Variants in ZNF800 observed in about 807,000 individuals in gnomAD.
The protein encoded by ZNF800 is zinc finger protein 800.
In ZNF800, 13 loss-of-function variants were observed where a neutral mutation model predicts 59.5. The ratio of observed to expected loss-of-function variants is 0.22; its 90% CI spans 0.14 to 0.35. The LOEUF (loss-of-function observed/expected upper bound fraction) is 0.35. ZNF800 is among the 10% of genes least tolerant of loss of function. The pLI, the probability that ZNF800 is intolerant of heterozygous loss-of-function variation, is 1.00. For synonymous variants in ZNF800, 266 were observed against 265.7 expected, an observed-to-expected ratio of 1.00 and a Z score of -0.01; for missense variants, 621 against 783.7, an observed-to-expected ratio of 0.79 and a Z score of 2.48.
At chr7:127,366,598 C>T (rs1389903171), downstream of ZNF800, among the ~76,000 whole-genome samples, 1 of 152,118 alleles carries the variant, frequency 6.6e-6, no homozygotes, top group Non-Finnish European at 1.5e-5. Context: ...GCTGCATTGA[C>T]CTAACAGTCA....
chr7:127,380,182 C>A (rs1326115200), intron 3 of ZNF800, among the ~76,000 whole-genome samples: 1 of 152,046 alleles, frequency 6.6e-6, no homozygotes, highest in African/African-American at 2.4e-5. Context: ...CCCTAGATAT[C>A]TATACTAGCT....
At chr7:127,349,573 T>TC (rs1800133853) in intron 1 of ZNF800, among the ~76,000 whole-genome samples, 1 of 152,174 alleles carries the variant, frequency 6.6e-6, no homozygotes, top group Admixed American at 6.5e-5. Flanking sequence ...ACAGATGACA[T>TC]AAGTAATCAC....
intron 1 of ZNF800, among the ~76,000 whole-genome samples, chr7:127,355,969 T>C (rs1180262475): frequency 2.6e-5 from 4 of 152,026 alleles, no homozygotes; most frequent in Non-Finnish European, 5.9e-5. Context: ...ACAATTTTCA[T>C]ACTCAGGAAT....
At chr7:127,360,524 A>T (rs1800373446) in intron 1 of ZNF800, 1 of 152,114 alleles carries the variant, frequency 6.6e-6, no homozygotes, top group African/African-American at 2.4e-5. Flanking sequence ...GTTGAGGTCA[A>T]CTCAGATGTA....
At chr7:127,353,237 G>A (rs1209416129) in intron 1 of ZNF800, among the ~76,000 whole-genome samples, 1 of 152,026 alleles carries the variant, frequency 6.6e-6, no homozygotes, top group African/African-American at 2.4e-5. Context: ...ATGTTTTGTT[G>A]GCCAGTTTTT....
intron 4 of ZNF800, among the ~76,000 whole-genome samples, chr7:127,376,888 T>A (rs948775575): frequency 6.6e-6 from 1 of 151,916 alleles, no homozygotes; most frequent in Non-Finnish European, 1.5e-5. Context: ...CATATAAACA[T>A]TCTAAAACAA....
rs747662289 is a variant in ZNF800, at chr7:127,374,436, C to T, written c.900G>A (p.Ala300=). The change falls in exon 5 of 6, where the codon GCG becomes GCA. Residue 300 remains alanine (A), a synonymous_variant. Transcript: ENST00000265827. ...CTTCATCAAAATGCCTCCTTACATT[C>T]GCTTTTGTAGCAAATGATTTACAAC... ...PVCCKSFATK[A]NVRRHFDEVH... 59 of 1,613,878 alleles carry T rather than the reference C, an allele frequency of 3.7e-5. No homozygotes were observed. The highest frequency in any genetic ancestry group is 1.6e-4 in the East Asian group (7 of 44,876).
chr7:127,392,626 T>C lies in ZNF800; in HGVS notation c.-625A>G, dbSNP rs970618216. The C allele has an allele frequency of 4.9e-5, 8 of 161,766 alleles. No individual in the cohort carries two copies. The highest frequency in any genetic ancestry group is 6.4e-5 in the Admixed American group (1 of 15,536). 10.0% of individuals were successfully genotyped at this position (161,766 alleles called of 1,614,324 possible). On this transcript the variant is annotated 5_prime_UTR_variant, in exon 1 of 6. Coordinates refer to ENST00000265827, the MANE Select transcript of ZNF800 (RefSeq NM_176814.5). ...TCTCTTTTACTCTGTCGCCCCCTCC[T>C]CCGGAGAGCCCGAGCTACCGCCGCG...
intron 4 of ZNF800, among the ~76,000 whole-genome samples, chr7:127,375,761 A>G (rs1366079165): frequency 6.6e-6 from 1 of 152,010 alleles, no homozygotes; most frequent in Admixed American, 6.6e-5. Flanking sequence ...AGAGTTGTCT[A>G]ACACTGGTTA....
intron 1 of ZNF800, among the ~76,000 whole-genome samples, chr7:127,349,524 A>G (rs1381439672): frequency 6.6e-6 from 1 of 152,304 alleles, no homozygotes; most frequent in East Asian, 1.9e-4. Context: ...GAGCAAATCC[A>G]AGATTAGATG....
At chr7:127,356,567 GA>G (rs71179572) in intron 1 of ZNF800, among the ~76,000 whole-genome samples, 115 of 147,554 alleles carry the variant, frequency 7.8e-4, no homozygotes, top group Non-Finnish European at 1.3e-3. Context: ...GGCTTGCCAG[GA>G]AAAAAAAAAT....
Position 127,389,863 on chromosome 7 carries a change from C to T in ZNF800, c.61+1634G>A, listed in dbSNP as rs139935535. On this transcript the variant is annotated intron_variant, in intron 2 of 5. Coordinates refer to ENST00000265827, the MANE Select transcript of ZNF800 (RefSeq NM_176814.5). ...AAACATTTCAATACACGTTAAAAAGCTCAAGTCTAGAAAACATCTTTAAAG... is the reference window on the plus strand; with the variant it reads ...AAACATTTCAATACACGTTAAAAAGTTCAAGTCTAGAAAACATCTTTAAAG... Among the ~76,000 whole-genome samples, 41 of 152,134 alleles carry T rather than the reference C, an allele frequency of 2.7e-4. No individual in the cohort carries two copies. The East Asian group carries it at 7.9e-3, about 29-fold the overall frequency.
chr7:127,386,631 A>G (rs931382886), intron 2 of ZNF800, among the ~76,000 whole-genome samples: 1 of 152,246 alleles, frequency 6.6e-6, no homozygotes, highest in African/African-American at 2.4e-5. Context: ...GCCTAAAGAA[A>G]TAACTGAACA....
chr7:127,351,162 T>C (rs150939178), intron 1 of ZNF800, among the ~76,000 whole-genome samples: 47 of 152,310 alleles, frequency 3.1e-4, no homozygotes, highest in African/African-American at 1.1e-3. Flanking sequence ...TAAGAACCTT[T>C]GAGTCAAACT....
At chr7:127,390,162 A>G (rs1801262013) in intron 2 of ZNF800, among the ~76,000 whole-genome samples, 1 of 152,218 alleles carries the variant, frequency 6.6e-6, no homozygotes, top group South Asian at 2.1e-4. Flanking sequence ...TCAATGATTA[A>G]AAGTGTTCTC....
At chr7:127,352,361 T>C (rs1402389160) in intron 1 of ZNF800, among the ~76,000 whole-genome samples, 1 of 151,878 alleles carries the variant, frequency 6.6e-6, no homozygotes, top group Non-Finnish European at 1.5e-5. Flanking sequence ...AAAAAAAGTA[T>C]CAAAAGAGAA....
intron 1 of ZNF800, chr7:127,364,685 T>C (rs775372579): frequency 6.6e-6 from 1 of 152,112 alleles, no homozygotes; most frequent in Non-Finnish European, 1.5e-5. Context: ...GGAGGAGTTG[T>C]TGGAAGAAAG....
chr7:127,368,483 T>C (rs1005856978), downstream of ZNF800, among the ~76,000 whole-genome samples: 1 of 152,182 alleles, frequency 6.6e-6, no homozygotes, highest in Non-Finnish European at 1.5e-5. Flanking sequence ...GGCTAAATCA[T>C]AATCCTGATA....
At chr7:127,347,980 G>C (rs1279725748) in exon 2 of ZNF800, 4 of 149,714 alleles carry the variant, frequency 2.7e-5, no homozygotes, top group Non-Finnish European at 6.0e-5. Flanking sequence ...CCGCGGGCAG[G>C]CAGCGGCTCC....
Sources: allele counts gnomAD v4.1 joint callset (sites outside exome capture counted in the v4.1 genomes callset), GRCh38; gene constraint gnomAD v4.1.1; transcripts MANE v1.5; gene names NCBI Gene and HGNC (gene_info 2026-07-23, HGNC 2026-07-21).